PMFBP1: variants seen among roughly 807,000 people sequenced by gnomAD.
PMFBP1 encodes polyamine-modulated factor 1-binding protein 1.
A neutral mutation model predicts 137.8 loss-of-function variants in PMFBP1; 131 were observed. The observed-to-expected ratio is 0.95, with a 90% confidence interval of 0.82 to 1.10. PMFBP1 has a LOEUF of 1.10. PMFBP1 is among the 50% of genes least tolerant of loss of function. PMFBP1 has a pLI of 0.00. For missense variants in PMFBP1, 1,199 were observed against 1,175.4 expected (o/e 1.02, Z -0.29); for synonymous variants, 490 against 450.4 (o/e 1.09, Z -1.11).
In PMFBP1 at chr16:72,131,231, G is replaced by A. The variant is rs564349984; in HGVS notation, c.1448-509C>T. On this transcript the variant is annotated intron_variant, in intron 10 of 20. Coordinates refer to ENST00000237353, the MANE Select transcript of PMFBP1 (RefSeq NM_031293.3). ...AGCAGATGCCTGGTGAGGAGAATGC[G>A]GAAGGTGTGTGGGAGGAGGGTAGAA... Among the ~76,000 whole-genome samples, 260 of 152,244 alleles carry A rather than the reference G, an allele frequency of 1.7e-3. 1 individual carries two copies. The highest frequency in any genetic ancestry group is 2.9e-3 in the Non-Finnish European group (195 of 68,010).
chr16:72,125,776 C>T (rs9923961), intron 15 of PMFBP1, among the ~76,000 whole-genome samples, 192 bp downstream of exon 15: 6,256 of 152,218 alleles, frequency 0.041, 399 homozygotes, highest in African/African-American at 0.14. Flanking sequence ...CCTCTTCCTC[C>T]GCCCTCCACC....
the PMFBP1 span, among the ~76,000 whole-genome samples, chr16:72,185,397 A>G: frequency 6.6e-6 from 1 of 151,952 alleles, no homozygotes; most frequent in Admixed American, 6.6e-5. Flanking sequence ...AACTATGTTC[A>G]GTTTCTTGGA....
At chr16:72,134,744 T>A (rs1206917778) in intron 9 of PMFBP1, among the ~76,000 whole-genome samples, 2 of 152,230 alleles carry the variant, frequency 1.3e-5, no homozygotes, top group Non-Finnish European at 2.9e-5. Context: ...TCCAGACCTC[T>A]GCCTGGGTGG....
chr16:72,235,849 A>G, the PMFBP1 span, among the ~76,000 whole-genome samples: 1 of 152,114 alleles, frequency 6.6e-6, no homozygotes, highest in African/African-American at 2.4e-5. Context: ...GTGTCGTGCA[A>G]CACTGCTGAA....
the PMFBP1 span, among the ~76,000 whole-genome samples, chr16:72,233,300 CTGAG>C: frequency 2.0e-5 from 3 of 152,098 alleles, no homozygotes; most frequent in Non-Finnish European, 4.4e-5. Flanking sequence ...AATAACCATT[CTGAG>C]TGAGTACTGA....
upstream of PMFBP1, among the ~76,000 whole-genome samples, chr16:72,175,831 C>A (rs1234524952): frequency 2.0e-5 from 3 of 152,076 alleles, no homozygotes; most frequent in Non-Finnish European, 2.9e-5. Context: ...TGAGAGGGAG[C>A]TAAAGGTTTT....
intron 5 of PMFBP1, among the ~76,000 whole-genome samples, chr16:72,149,769 G>C (rs1412063497): frequency 6.6e-6 from 1 of 152,116 alleles, no homozygotes; most frequent in Non-Finnish European, 1.5e-5. Flanking sequence ...GCCTCAGTGA[G>C]CCAAGATTGC....
Position 72,136,583 on chromosome 16 carries a change from G to GTCCAGC in PMFBP1, c.1062_1067dup (p.Glu354_Leu355dup). 1.2e-6 allele frequency: 2 copies of GTCCAGC among 1,614,042 alleles called. No homozygotes were observed. Among genetic ancestry groups the GTCCAGC allele is most frequent in the Non-Finnish European group, 1.7e-6 (2 of 1,180,000 alleles). The stretch of plus-strand genomic sequence containing the variant: ...ATGTCTCCTCCCGCAGTCCGTGCAG[G>GTCCAGC]TCCAGCTCCAGCTTCATCATGTCTA... On this transcript the variant is annotated inframe_insertion, in exon 9 of 21. Coordinates refer to ENST00000237353, the MANE Select transcript of PMFBP1 (RefSeq NM_031293.3).
the PMFBP1 span, among the ~76,000 whole-genome samples, chr16:72,237,229 G>A: frequency 6.6e-6 from 1 of 152,148 alleles, no homozygotes; most frequent in African/African-American, 2.4e-5. Flanking sequence ...CTAGAGATAG[G>A]AGGAACGTTA....
chr16:72,137,454 G>A (rs571811774), intron 7 of PMFBP1, among the ~76,000 whole-genome samples: 1 of 152,302 alleles, frequency 6.6e-6, no homozygotes, highest in South Asian at 2.1e-4. Context: ...GGGCATGGGC[G>A]GGGGAGGCGC....
At position 72,119,103 on chromosome 16, in the gene PMFBP1, C is replaced by T; in HGVS notation, c.*235G>A. 2.0e-6 allele frequency: 1 copy of T among 505,496 alleles called. No homozygotes were observed. Among genetic ancestry groups the T allele is most frequent in the Non-Finnish European group, 3.5e-6 (1 of 283,798 alleles). 31.3% of individuals were successfully genotyped at this position (505,496 alleles called of 1,614,324 possible). A position where few individuals can be genotyped will look rare whatever the true frequency, so the allele number is the denominator to read the frequency against. The stretch of plus-strand genomic sequence containing the variant: ...AACAGCTCACCACAACTGCTGTGCT[C>T]ATGCTCATGTCTTTATTTCAGAGTT... On this transcript the variant is annotated 3_prime_UTR_variant, in exon 21 of 21. Coordinates refer to ENST00000237353, the MANE Select transcript of PMFBP1 (RefSeq NM_031293.3).
At chr16:72,194,320 G>T in the PMFBP1 span, among the ~76,000 whole-genome samples, 1 of 151,990 alleles carries the variant, frequency 6.6e-6, no homozygotes, top group Non-Finnish European at 1.5e-5. Context: ...TCCTCCATGA[G>T]CCTTAGAAAG....
the PMFBP1 span, among the ~76,000 whole-genome samples, chr16:72,199,435 C>T: frequency 6.6e-6 from 1 of 152,082 alleles, no homozygotes; most frequent in African/African-American, 2.4e-5. Context: ...GGGCGGATGG[C>T]CTGAGGTCAG....
At chr16:72,174,420 G>A (rs1239879912), upstream of PMFBP1, among the ~76,000 whole-genome samples, 1 of 152,180 alleles carries the variant, frequency 6.6e-6, no homozygotes, top group Non-Finnish European at 1.5e-5. Context: ...TCTCCAGAGT[G>A]TGCTTAAGAT....
the PMFBP1 span, among the ~76,000 whole-genome samples, chr16:72,207,158 G>C: frequency 6.6e-6 from 1 of 152,122 alleles, no homozygotes; most frequent in East Asian, 1.9e-4. Flanking sequence ...GCTACAATCA[G>C]GCTGACAGTG....
chr16:72,119,713 A>G, intron 20 of PMFBP1, 138 bp downstream of exon 20: 1 of 1,492,074 alleles, frequency 6.7e-7, no homozygotes. Flanking sequence ...ATGTGAAAAC[A>G]ACGATCTTTG....
At chr16:72,154,569 T>C in intron 3 of PMFBP1, 110 bp from the exon 4 acceptor site, 1 of 1,255,314 alleles carries the variant, frequency 8.0e-7, no homozygotes, top group East Asian at 2.4e-5. Flanking sequence ...TCTATCCATC[T>C]TTTTATCTTT....
the PMFBP1 span, among the ~76,000 whole-genome samples, chr16:72,249,248 G>T: frequency 0.24 from 36,094 of 151,722 alleles, 4,711 homozygotes; most frequent in East Asian, 0.41. Context: ...TGTAAGTTGA[G>T]TAGAGAAGAA....
chr16:72,162,723 G>C (rs1261334724), intron 3 of PMFBP1, among the ~76,000 whole-genome samples: 1 of 152,176 alleles, frequency 6.6e-6, no homozygotes, highest in Non-Finnish European at 1.5e-5. Context: ...CTTCTTCTGG[G>C]CAATTAGAAT....
Sources: allele counts gnomAD v4.1 joint callset (sites outside exome capture counted in the v4.1 genomes callset), GRCh38; gene constraint gnomAD v4.1.1; transcripts MANE v1.5; gene names NCBI Gene and HGNC (gene_info 2026-07-23, HGNC 2026-07-21).